The following BCAS3 variants were observed in gnomAD, a reference collection of about 807,000 sequenced individuals.
BCAS3 encodes the protein BCAS3 microtubule associated cell migration factor, also known as BCAS4/BCAS3 fusion.
Under a neutral mutation model 116.1 loss-of-function variants are expected in BCAS3, and 53 were observed. That is an observed-to-expected ratio of 0.46 (90% CI 0.37 to 0.57). The LOEUF is 0.57. Among genes scored for constraint, BCAS3 ranks in the 20% least tolerant of loss-of-function variants. The probability of loss-of-function intolerance (pLI) is 0.00; values close to 1 mark genes in which losing one functional copy is unlikely to be tolerated. For synonymous variants in BCAS3, 391 were observed against 408.2 expected (o/e 0.96, Z 0.51); for missense variants, 917 against 1,165.4 (o/e 0.79, Z 3.10).
intron 7 of BCAS3, among the ~76,000 whole-genome samples, chr17:60,824,543 C>G (rs2050217054): frequency 6.6e-6 from 1 of 152,212 alleles, no homozygotes; most frequent in African/African-American, 2.4e-5. Context: ...CAGCATTTCC[C>G]TGCTCAGGGT....
intron 7 of BCAS3, among the ~76,000 whole-genome samples, chr17:60,863,072 TATG>T (rs1304582217): frequency 6.6e-6 from 1 of 152,238 alleles, no homozygotes; most frequent in Non-Finnish European, 1.5e-5. Flanking sequence ...TTTTTAGACT[TATG>T]ATCCATTTTG....
intron 14 of BCAS3, among the ~76,000 whole-genome samples, chr17:60,952,551 C>A (rs2060902988): frequency 6.6e-6 from 1 of 152,114 alleles, no homozygotes; most frequent in South Asian, 2.1e-4. Context: ...AACTCCTGAC[C>A]TCAGGTGATC....
chr17:61,287,889 A>T (rs955384997), intron 22 of BCAS3, among the ~76,000 whole-genome samples: 2 of 152,220 alleles, frequency 1.3e-5, no homozygotes, highest in African/African-American at 2.4e-5. Flanking sequence ...TCATTTTCTC[A>T]TGTAATAGTC....
At chr17:60,997,813 C>G (rs112539700) in intron 15 of BCAS3, among the ~76,000 whole-genome samples, 1 of 152,146 alleles carries the variant, frequency 6.6e-6, no homozygotes, top group African/African-American at 2.4e-5. Context: ...AACCCTTTAT[C>G]TGTACTGATT....
chr17:61,149,291 T>C (rs1490531858), intron 22 of BCAS3, among the ~76,000 whole-genome samples: 1 of 152,190 alleles, frequency 6.6e-6, no homozygotes, highest in East Asian at 1.9e-4. Flanking sequence ...TATTATTATG[T>C]ACAGCTGTAA....
intron 22 of BCAS3, among the ~76,000 whole-genome samples, chr17:61,273,559 C>T (rs1354303705): frequency 6.6e-6 from 1 of 151,810 alleles, no homozygotes; most frequent in African/African-American, 2.4e-5. Flanking sequence ...TATGTATATC[C>T]TATTTTATAG....
rs2070535579 is a variant in BCAS3 at position 61,065,673 on chromosome 17, T to G, written c.2030-9247T>G. On this transcript the variant is annotated intron_variant, in intron 19 of 23. Coordinates refer to ENST00000407086, the MANE Select transcript of BCAS3 (RefSeq NM_017679.5). The surrounding 1 kb of genome is among the most constrained non-coding windows in gnomAD (Gnocchi z 4.8). ...ACTAAAAACTTTCACGTGCTAAGGG[T>G]TTTATTGTTTGTGGAGGAAGGGTGG... Among the ~76,000 whole-genome samples, 1 of 152,102 alleles carries G rather than the reference T, an allele frequency of 6.6e-6. No homozygotes were observed. The highest frequency in any genetic ancestry group is 1.5e-5 in the Non-Finnish European group (1 of 68,008).
rs894174113 is a variant in BCAS3, at chr17:61,388,597, C to T, written c.2594-3380C>T. 2.6e-6 allele frequency: 4 copies of T among 1,527,966 alleles called. No individual in the cohort carries two copies. In the African/African-American group the frequency reaches 4.2e-5, roughly 16 times the overall value. The allele number at this position is 1,527,966 out of a possible 1,614,324, so 94.7% of individuals were successfully genotyped here. A position where few individuals can be genotyped will look rare whatever the true frequency, so the allele number is the denominator to read the frequency against. On this transcript the variant is annotated intron_variant, in intron 23 of 23. Transcript: ENST00000407086. This position sits in a 1 kb window ranked among gnomAD's most constrained non-coding sequence, Gnocchi z 6.5. ...CCATATCTTTTCCAAAAAGATTCCT[C>T]AATGCTTTTCTTTTCAAAAGGGAAA...
Position 61,378,241 on chromosome 17 carries a change from C to G in BCAS3, c.2593+9747C>G, listed in dbSNP as rs1374758911. ...GATCCCAGCATCCCCAGCATGCACCCTGTTACCTGGCCCTGGTGCATGTTG... is the reference window on the plus strand; with the variant it reads ...GATCCCAGCATCCCCAGCATGCACCGTGTTACCTGGCCCTGGTGCATGTTG... On this transcript the variant is annotated intron_variant, in intron 23 of 23. Transcript: ENST00000407086. The surrounding 1 kb of genome is among the most constrained non-coding windows in gnomAD (Gnocchi z 5.8). 2 of 152,382 alleles carry G rather than the reference C, an allele frequency of 1.3e-5. No individual in the cohort carries two copies. The highest frequency in any genetic ancestry group is 4.8e-5 in the African/African-American group (2 of 41,452). The allele number at this position is 152,382 out of a possible 1,614,324, so 9.4% of individuals were successfully genotyped here. A position where few individuals can be genotyped will look rare whatever the true frequency, so the allele number is the denominator to read the frequency against.
Position 61,343,348 on chromosome 17 carries a change from G to A in BCAS3, c.2426-24979G>A, listed in dbSNP as rs753362370. 3.9e-5 allele frequency among the ~76,000 whole-genome samples: 6 copies of A among 152,214 alleles called. No homozygotes were observed. Among genetic ancestry groups the A allele is most frequent in the South Asian group, 2.1e-4 (1 of 4,834 alleles). ...AATGGAGAGAATTACACAGGTCTCC[G>A]TCCTGTTCTCTAAGTACCAATGGTC... On this transcript the variant is annotated intron_variant, in intron 22 of 23. Coordinates refer to ENST00000407086, the MANE Select transcript of BCAS3 (RefSeq NM_017679.5). The surrounding 1 kb of genome is among the most constrained non-coding windows in gnomAD (Gnocchi z 5.5).
chr17:60,775,719 G>A (rs1159419239), intron 6 of BCAS3, among the ~76,000 whole-genome samples: 2 of 152,096 alleles, frequency 1.3e-5, no homozygotes, highest in Non-Finnish European at 2.9e-5. Context: ...AACAAAAACC[G>A]TGTGTGCAAA....
rs542138473 is a variant in BCAS3, at chr17:61,302,001, G to T, written c.2426-66326G>T. ...CATCTCTAGAATTAGGTGAAGCACG[G>T]CCACTTTGAACGCTTATTCCCATTC... On this transcript the variant is annotated intron_variant, in intron 22 of 23. Transcript: ENST00000407086. This position sits in a 1 kb window ranked among gnomAD's most constrained non-coding sequence, Gnocchi z 4.4. 7.2e-5 allele frequency among the ~76,000 whole-genome samples: 11 copies of T among 152,288 alleles called. No homozygotes were observed. In the South Asian group the frequency reaches 2.3e-3, roughly 32 times the overall value.
chr17:61,008,061 C>G lies in BCAS3; in HGVS notation c.1487-7690C>G, dbSNP rs768856865. On this transcript the variant is annotated intron_variant, in intron 15 of 23. Transcript: ENST00000407086. The surrounding 1 kb of genome is among the most constrained non-coding windows in gnomAD (Gnocchi z 4.6). ...GTGTCGACACACACACACACACACA[C>G]ACATAAAATTCATTTTCTTTTAGTG... Among the ~76,000 whole-genome samples the G allele has an allele frequency of 3.3e-5, 5 of 152,070 alleles. No homozygotes were observed. The highest frequency in any genetic ancestry group is 1.2e-4 in the African/African-American group (5 of 41,408).
In BCAS3 at chr17:61,063,157, T is replaced by C. The variant is rs1053622448; in HGVS notation, c.2030-11763T>C. Among the ~76,000 whole-genome samples the C allele has an allele frequency of 5.3e-5, 8 of 152,356 alleles. No homozygotes were observed. Among genetic ancestry groups the C allele is most frequent in the African/African-American group, 1.9e-4 (8 of 41,596 alleles). ...ACCTTTGCTCTTGCCCACTTTTGCTTTGACTGCACCACTTCTGCCTTTTGG... is the reference window on the plus strand; with the variant it reads ...ACCTTTGCTCTTGCCCACTTTTGCTCTGACTGCACCACTTCTGCCTTTTGG... On this transcript the variant is annotated intron_variant, in intron 19 of 23. Coordinates refer to ENST00000407086, the MANE Select transcript of BCAS3 (RefSeq NM_017679.5). This position sits in a 1 kb window ranked among gnomAD's most constrained non-coding sequence, Gnocchi z 5.3.
At position 61,224,244 on chromosome 17, in the gene BCAS3, T is replaced by C. The variant is rs2082263801; in HGVS notation, c.2425+139680T>C. Among the ~76,000 whole-genome samples the C allele has an allele frequency of 6.6e-6, 1 of 152,244 alleles. No homozygotes were observed. The highest frequency in any genetic ancestry group is 2.1e-4 in the South Asian group (1 of 4,834). ...TGGGAAGATATACAAAGTAAAGTTC[T>C]TGTTAGCAGGAAGATGGACTGAGTA... On this transcript the variant is annotated intron_variant, in intron 22 of 23. Transcript: ENST00000407086. The surrounding 1 kb of genome is among the most constrained non-coding windows in gnomAD (Gnocchi z 5.7).
intron 23 of BCAS3, among the ~76,000 whole-genome samples, chr17:61,374,654 C>A (rs1007916862): frequency 1.3e-5 from 2 of 152,174 alleles, no homozygotes; most frequent in African/African-American, 4.8e-5. Flanking sequence ...CTGCCCTAGC[C>A]AGAAGTAGTT....
At chr17:61,142,312 A>C (rs568543008) in intron 22 of BCAS3, among the ~76,000 whole-genome samples, 1 of 152,318 alleles carries the variant, frequency 6.6e-6, no homozygotes, top group East Asian at 1.9e-4. Context: ...CTTAACTACT[A>C]TAGTACAGCG....
intron 22 of BCAS3, among the ~76,000 whole-genome samples, chr17:61,322,824 GAGAGAC>G (rs1568850402): frequency 3.2e-4 from 38 of 117,986 alleles, no homozygotes; most frequent in African/African-American, 6.7e-4. Flanking sequence ...GAGAGAGAGA[GAGAGAC>G]AGAGAGAGAG....
intron 7 of BCAS3, among the ~76,000 whole-genome samples, chr17:60,831,182 A>G (rs1032747098): frequency 2.7e-5 from 4 of 147,884 alleles, no homozygotes; most frequent in Non-Finnish European, 6.0e-5. Context: ...GTTATATGTT[A>G]TGTCTTTTTT....
Sources: allele counts gnomAD v4.1 joint callset (sites outside exome capture counted in the v4.1 genomes callset), GRCh38; gene constraint gnomAD v4.1.1; non-coding constraint Gnocchi (gnomAD v3.1); transcripts MANE v1.5; gene names NCBI Gene and HGNC (gene_info 2026-07-23, HGNC 2026-07-21).